The following PXDNL variants were observed in gnomAD, a reference collection of about 807,000 sequenced individuals.
The protein encoded by PXDNL is peroxidasin like.
A neutral mutation model predicts 150.8 loss-of-function variants in PXDNL; 145 were observed. The ratio of observed to expected loss-of-function variants is 0.96; its 90% CI spans 0.84 to 1.10. The LOEUF is 1.10. Among genes scored for constraint, PXDNL ranks in the 50% least tolerant of loss-of-function variants. The pLI is 0.00. For synonymous variants in PXDNL, 757 were observed against 725.7 expected, an observed-to-expected ratio of 1.04 and a Z score of -0.69; for missense variants, 2,087 against 1,873.9, an observed-to-expected ratio of 1.11 and a Z score of -2.10.
chr8:51,513,113 A>T (rs1449976926), intron 4 of PXDNL, among the ~76,000 whole-genome samples: 1 of 152,258 alleles, frequency 6.6e-6, no homozygotes, highest in African/African-American at 2.4e-5. Context: ...TTCAAACAAA[A>T]CAGGACTCTA....
intron 3 of PXDNL, among the ~76,000 whole-genome samples, chr8:51,580,147 T>C (rs1383998152): frequency 6.6e-6 from 1 of 152,074 alleles, no homozygotes; most frequent in African/African-American, 2.4e-5. Flanking sequence ...TGCCAGGATT[T>C]GAAGAAGGTG....
chr8:51,363,691 G>T (rs1586036246), intron 19 of PXDNL, among the ~76,000 whole-genome samples: 1 of 152,144 alleles, frequency 6.6e-6, no homozygotes, highest in East Asian at 1.9e-4. Context: ...TTTCATTTCT[G>T]CCTTTTAGTT....
At chr8:51,339,931 T>C (rs977543696) in intron 20 of PXDNL, 178 bp from the exon 21 acceptor site, 1 of 522,786 alleles carries the variant, frequency 1.9e-6, no homozygotes, top group Admixed American at 3.7e-5. Context: ...AAATGGCAGA[T>C]AAGATGATAA....
At chr8:51,418,848 G>A (rs547749721) in intron 14 of PXDNL, among the ~76,000 whole-genome samples, 1 of 152,180 alleles carries the variant, frequency 6.6e-6, no homozygotes, top group African/African-American at 2.4e-5. Flanking sequence ...GGATAATTTG[G>A]AAAGTTATTT....
chr8:51,756,369 G>A (rs1365714765), intron 1 of PXDNL, among the ~76,000 whole-genome samples: 1 of 149,150 alleles, frequency 6.7e-6, no homozygotes, highest in East Asian at 2.0e-4. Context: ...TACAGACTGG[G>A]TGACACAGTG....
At chr8:51,372,684 C>T (rs1455224606) in intron 18 of PXDNL, among the ~76,000 whole-genome samples, 1 of 152,208 alleles carries the variant, frequency 6.6e-6, no homozygotes, top group Non-Finnish European at 1.5e-5. Flanking sequence ...CGCACCTAGC[C>T]CTATTGTTGC....
chr8:51,465,511 C>T (rs1240457886), intron 8 of PXDNL, among the ~76,000 whole-genome samples: 1 of 152,180 alleles, frequency 6.6e-6, no homozygotes, highest in African/African-American at 2.4e-5. Flanking sequence ...AGAATGTCCA[C>T]TTTCACCATT....
intron 1 of PXDNL, among the ~76,000 whole-genome samples, chr8:51,735,565 G>A (rs1408720039): frequency 4.1e-5 from 1 of 24,308 alleles, no homozygotes; most frequent in South Asian, 1.4e-3. Flanking sequence ...TTTTTTTTTT[G>A]AGACGGAGTC....
chr8:51,509,833 C>A (rs1811375809), intron 4 of PXDNL, among the ~76,000 whole-genome samples: 1 of 149,390 alleles, frequency 6.7e-6, no homozygotes, highest in Non-Finnish European at 1.5e-5. Flanking sequence ...TGTGTATATA[C>A]CGATTTAAAT....
chr8:51,756,750 A>G (rs1241999819), intron 1 of PXDNL, among the ~76,000 whole-genome samples: 3 of 152,148 alleles, frequency 2.0e-5, no homozygotes, highest in Non-Finnish European at 2.9e-5. Context: ...ATGCATTAAA[A>G]GATAATTTCA....
At chr8:51,529,940 C>A (rs1383608961) in intron 4 of PXDNL, among the ~76,000 whole-genome samples, 1 of 152,056 alleles carries the variant, frequency 6.6e-6, no homozygotes, top group Non-Finnish European at 1.5e-5. Flanking sequence ...AGCAATCCCC[C>A]TTCCCCAGCT....
Position 51,560,287 on chromosome 8 carries a change from A to T in PXDNL, c.309-3376T>A, listed in dbSNP as rs1334882811. Among the ~76,000 whole-genome samples the T allele has an allele frequency of 2.0e-5, 3 of 150,740 alleles. No homozygotes were observed. In the East Asian group the frequency reaches 5.8e-4, roughly 29 times the overall value. On this transcript the variant is annotated intron_variant, in intron 3 of 22. Coordinates refer to ENST00000356297, the MANE Select transcript of PXDNL (RefSeq NM_144651.5). ...CAATCCCTATCAGCATTTCAATGGC[A>T]TTTTTTTTTGCAGAAATAGGGAATC...
intron 1 of PXDNL, among the ~76,000 whole-genome samples, chr8:51,744,974 AAGAAAGAAAGAAAGAAAGGGAGGGAG>A (rs1563307862): frequency 0.13 from 431 of 3,254 alleles, 32 homozygotes; most frequent in Middle Eastern, 0.5. Flanking sequence ...GAAAGAAAGA[AAGAAAGAAAGAAAGAAAGGGAGGGAG>A]GGAAGAAAAG....
chr8:51,385,428 G>C (rs2130822200), intron 17 of PXDNL, among the ~76,000 whole-genome samples: 1 of 152,066 alleles, frequency 6.6e-6, no homozygotes, highest in South Asian at 2.1e-4. Flanking sequence ...TCTGGGGTAA[G>C]TAATCTACAG....
rs1808639378 is a variant in PXDNL, at chr8:51,411,353, T to A, written c.1959A>T (p.Pro653=). ...LLAQFHYPRD[P]LIVEMARAGE... Reference sequence around the variant, plus strand: ...CTGCTCTTGCCATTTCCACAATCAGTGGGTCACGCGGGTAATGAAATTGAG... The same window carrying A: ...CTGCTCTTGCCATTTCCACAATCAGAGGGTCACGCGGGTAATGAAATTGAG... Residue 653 remains proline, a synonymous_variant, in exon 16 of 23, where the codon CCA becomes CCT. Coordinates refer to ENST00000356297, the MANE Select transcript of PXDNL (RefSeq NM_144651.5). The A allele has an allele frequency of 1.3e-6, 2 of 1,587,354 alleles. No individual in the cohort carries two copies. Among genetic ancestry groups the A allele is most frequent in the African/African-American group, 2.7e-5 (2 of 73,384 alleles).
At chr8:51,690,269 A>G (rs1815962871) in intron 1 of PXDNL, among the ~76,000 whole-genome samples, 1 of 152,174 alleles carries the variant, frequency 6.6e-6, no homozygotes, top group Non-Finnish European at 1.5e-5. Context: ...TGCTGCACCC[A>G]TTAACTTGTC....
Position 51,375,499 on chromosome 8 carries a change from T to C in PXDNL, c.3558-768A>G, listed in dbSNP as rs371443320. On this transcript the variant is annotated intron_variant, in intron 17 of 22. Coordinates refer to ENST00000356297, the MANE Select transcript of PXDNL (RefSeq NM_144651.5). Reference sequence around the variant, plus strand: ...ATATGATTCTCTAAACTACAAATAGTTTAGTTTGCATGTTTTAACCTTGTC... The same window carrying C: ...ATATGATTCTCTAAACTACAAATAGCTTAGTTTGCATGTTTTAACCTTGTC... Among the ~76,000 whole-genome samples the C allele has an allele frequency of 6.6e-5, 10 of 152,362 alleles. No homozygotes were observed. The East Asian group carries it at 1.3e-3, about 21-fold the overall frequency.
chr8:51,752,543 A>G (rs1415582540), intron 1 of PXDNL, among the ~76,000 whole-genome samples: 1 of 152,098 alleles, frequency 6.6e-6, no homozygotes, highest in Non-Finnish European at 1.5e-5. Flanking sequence ...CTGGCCTGCC[A>G]CAGAAGGGCT....
chr8:51,779,808 A>G (rs959026268), intron 1 of PXDNL, among the ~76,000 whole-genome samples: 3 of 152,224 alleles, frequency 2.0e-5, no homozygotes, highest in African/African-American at 7.2e-5. Context: ...ACACACAAAC[A>G]CAAGGCAGGC....
Sources: allele counts gnomAD v4.1 joint callset (sites outside exome capture counted in the v4.1 genomes callset), GRCh38; gene constraint gnomAD v4.1.1; transcripts MANE v1.5; gene names NCBI Gene and HGNC (gene_info 2026-07-23, HGNC 2026-07-21).